Variants in ZEB2 observed in about 807,000 individuals in gnomAD.
ZEB2 encodes the protein zinc finger E-box binding homeobox 2.
Under a neutral mutation model 99.9 loss-of-function variants are expected in ZEB2, and 6 were observed. The ratio of observed to expected loss-of-function variants is 0.06; its 90% CI spans 0.03 to 0.12. ZEB2 has a LOEUF of 0.12. Among genes scored for constraint, ZEB2 ranks in the 10% least tolerant of loss-of-function variants. The pLI is 1.00. For synonymous variants in ZEB2, 517 were observed against 542.5 expected (o/e 0.95, Z 0.65); for missense variants, 969 against 1,502.8 (o/e 0.64, Z 5.87).
intron 2 of ZEB2, among the ~76,000 whole-genome samples, chr2:144,441,722 C>G (rs1194058836): frequency 2.0e-5 from 3 of 152,070 alleles, no homozygotes; most frequent in Non-Finnish European, 2.9e-5. Flanking sequence ...CCACCTTTTT[C>G]TCTGTTAGCT....
intron 3 of ZEB2, 169 bp from the exon 4 acceptor site, chr2:144,425,036 C>T (rs1703673298): frequency 3.0e-6 from 2 of 663,234 alleles, no homozygotes; most frequent in Non-Finnish European, 5.3e-6. Context: ...TCCAATAGTG[C>T]TAGCTGCACA....
intron 2 of ZEB2, among the ~76,000 whole-genome samples, chr2:144,452,314 G>A (rs952412135): frequency 6.6e-6 from 1 of 151,916 alleles, no homozygotes; most frequent in African/African-American, 2.4e-5. Context: ...TCTCCTATAC[G>A]CGGCTGAAGT....
intron 2 of ZEB2, chr2:144,455,052 C>T (rs951849028): frequency 1.3e-5 from 2 of 152,166 alleles, no homozygotes; most frequent in Non-Finnish European, 2.9e-5. Flanking sequence ...GCAAAGTTAC[C>T]TGACTCAGCT....
At chr2:144,505,380 C>CA (rs1481746487) in intron 2 of ZEB2, among the ~76,000 whole-genome samples, 1 of 152,074 alleles carries the variant, frequency 6.6e-6, no homozygotes, top group African/African-American at 2.4e-5. Context: ...TTCAAGTTGG[C>CA]AAAAGTTTAG....
intron 2 of ZEB2, among the ~76,000 whole-genome samples, chr2:144,473,385 T>G (rs1227374585): frequency 1.3e-5 from 2 of 152,090 alleles, no homozygotes; most frequent in Non-Finnish European, 2.9e-5. Context: ...GTGGGAAGAG[T>G]GCTATGTGGT....
chr2:144,517,780 G>A, intron 1 of ZEB2: 1 of 678,310 alleles, frequency 1.5e-6, no homozygotes, highest in South Asian at 1.5e-5. Context: ...CCCCGGCTCG[G>A]GAACTTGGGG....
chr2:144,387,409 C>A lies in ZEB2; in HGVS notation c.*2042G>T, dbSNP rs1052216211. 1 of 152,040 alleles carries A rather than the reference C, an allele frequency of 6.6e-6. No homozygotes were observed. The highest frequency in any genetic ancestry group is 2.4e-5 in the African/African-American group (1 of 41,394). The allele number at this position is 152,040 out of a possible 1,614,324, so 9.4% of individuals were successfully genotyped here. On this transcript the variant is annotated 3_prime_UTR_variant, in exon 10 of 10. Transcript: ENST00000627532. ...GATAAAAGTCATTATGTAAAACCTACGAATACATTCATATTCTGAATATTA... is the reference window on the plus strand; with the variant it reads ...GATAAAAGTCATTATGTAAAACCTAAGAATACATTCATATTCTGAATATTA...
At chr2:144,480,616 T>C (rs1045642906) in intron 2 of ZEB2, among the ~76,000 whole-genome samples, 3 of 152,086 alleles carry the variant, frequency 2.0e-5, no homozygotes, top group African/African-American at 7.2e-5. Context: ...ACGCTATAAG[T>C]GGCAGCTCCC....
At position 144,403,907 on chromosome 2, in the gene ZEB2, T is replaced by TC. The variant is rs1411186011; in HGVS notation, c.807+8dup. 2 of 1,614,028 alleles carry TC rather than the reference T, an allele frequency of 1.2e-6. No homozygotes were observed. Among genetic ancestry groups the TC allele is most frequent in the Admixed American group, 1.7e-5 (1 of 59,996 alleles). On this transcript the variant is annotated intron_variant, in intron 6 of 9. Coordinates refer to ENST00000627532, the MANE Select transcript of ZEB2 (RefSeq NM_014795.4). ...TATAGAAAGAAATCACTTAAAACCA[T>TC]CCCCCCACCTGATCTGTCCCTGGCT...
intron 4 of ZEB2, among the ~76,000 whole-genome samples, chr2:144,414,327 A>C (rs1247498991): frequency 6.6e-6 from 1 of 152,188 alleles, no homozygotes; most frequent in Non-Finnish European, 1.5e-5. Context: ...GTGTAAAATG[A>C]AAATGTTGGG....
Position 144,398,653 on chromosome 2 carries a change from T to G in ZEB2, c.2534A>C (p.Asp845Ala), listed in dbSNP as rs1032612560. The G allele has an allele frequency of 1.9e-6, 3 of 1,614,078 alleles. No individual in the cohort carries two copies. Among genetic ancestry groups the G allele is most frequent in the Non-Finnish European group, 2.5e-6 (3 of 1,180,014 alleles). ...NKTKASSISL[D>A]HNSVSSSSEN... ...AGATGAGGAAGAAACACTGTTATGATCTAAACTGATGCTACTAGCTTTTGT... is the reference window on the plus strand; with the variant it reads ...AGATGAGGAAGAAACACTGTTATGAGCTAAACTGATGCTACTAGCTTTTGT... Residue 845 changes from aspartate to alanine, a missense_variant, in exon 8 of 10, where the codon GAT becomes GCT. Physicochemically the swap from Asp to Ala is moderately radical, Grantham distance 126 (BLOSUM62 -2). This residue lies in a region of ZEB2 where 346 missense variants were observed against 460.0 expected (regional missense o/e 0.75). Coordinates refer to ENST00000627532, the MANE Select transcript of ZEB2 (RefSeq NM_014795.4).
At position 144,472,876 on chromosome 2, in the gene ZEB2, C is replaced by T. The variant is rs553846963; in HGVS notation, c.74-42850G>A. Reference sequence around the variant, plus strand: ...AAAGATTGGAACAATTAGGAGGTAGCTGGATGAAGAGGTGACATGTATGAA... The same window carrying T: ...AAAGATTGGAACAATTAGGAGGTAGTTGGATGAAGAGGTGACATGTATGAA... On this transcript the variant is annotated intron_variant, in intron 2 of 9. Transcript: ENST00000627532. Among the ~76,000 whole-genome samples, 10 of 152,158 alleles carry T rather than the reference C, an allele frequency of 6.6e-5. 1 individual carries two copies. The South Asian group carries it at 2.1e-3, about 32-fold the overall frequency.
intron 2 of ZEB2, chr2:144,512,472 G>A (rs1045335578): frequency 1.6e-6 from 2 of 1,287,050 alleles, no homozygotes; most frequent in South Asian, 1.2e-5. Context: ...TAACCTCTTG[G>A]AATTTTCTTT....
rs761098093 is a variant in ZEB2 at position 144,396,378 on chromosome 2, G to A, written c.3067+34C>T. The A allele has an allele frequency of 2.5e-6, 4 of 1,611,068 alleles. No individual in the cohort carries two copies. In the East Asian group the frequency reaches 6.7e-5, roughly 27 times the overall value. On this transcript the variant is annotated intron_variant, in intron 9 of 9. Coordinates refer to ENST00000627532, the MANE Select transcript of ZEB2 (RefSeq NM_014795.4). Reference sequence around the variant, plus strand: ...TATTATGAAATGTACAGCAGGACGGGAAGCTCTAACCAGTTAGGCAAAGTC... The same window carrying A: ...TATTATGAAATGTACAGCAGGACGGAAAGCTCTAACCAGTTAGGCAAAGTC...
intron 5 of ZEB2, among the ~76,000 whole-genome samples, chr2:144,404,403 T>A (rs1484108620): frequency 1.3e-5 from 2 of 150,996 alleles, no homozygotes; most frequent in Admixed American, 6.6e-5. Context: ...AGCTGATAAA[T>A]GAGGAAATTC....
intron 2 of ZEB2, among the ~76,000 whole-genome samples, chr2:144,498,323 C>G (rs992477231): frequency 1.3e-5 from 2 of 150,286 alleles, no homozygotes; most frequent in Non-Finnish European, 1.5e-5. Context: ...CTTGTGACCC[C>G]TTGTAAACTC....
At chr2:144,408,284 G>C (rs934838758) in intron 4 of ZEB2, among the ~76,000 whole-genome samples, 2 of 152,118 alleles carry the variant, frequency 1.3e-5, no homozygotes, top group African/African-American at 4.8e-5. Flanking sequence ...CACTAATCTT[G>C]GTGTAGAGGT....
chr2:144,390,116 C>T, intron 9 of ZEB2, 88 bp from the exon 10 acceptor site: 2 of 1,357,966 alleles, frequency 1.5e-6, no homozygotes, highest in Non-Finnish European at 2.1e-6. Context: ...CAGACTCAGG[C>T]ATAAGCGTGT....
intron 2 of ZEB2, among the ~76,000 whole-genome samples, chr2:144,501,029 A>G (rs1366143731): frequency 6.9e-6 from 1 of 145,558 alleles, no homozygotes; most frequent in Non-Finnish European, 1.5e-5. Flanking sequence ...CAAAGATCGT[A>G]TTTATATGAA....
Sources: allele counts gnomAD v4.1 joint callset (sites outside exome capture counted in the v4.1 genomes callset), GRCh38; gene constraint gnomAD v4.1.1; regional missense constraint gnomAD v4.1.1; transcripts MANE v1.5; gene names NCBI Gene and HGNC (gene_info 2026-07-23, HGNC 2026-07-21).